Variants in CUL7 observed in about 807,000 individuals in gnomAD.
The protein encoded by CUL7 is cullin 7, also known as cullin-7.
CUL7 carries 96 observed loss-of-function variants against 177.7 expected under a neutral mutation model. That is an observed-to-expected ratio of 0.54 (90% CI 0.46 to 0.64). The LOEUF is 0.64. Among genes scored for constraint, CUL7 ranks in the 30% least tolerant of loss-of-function variants. CUL7 has a pLI of 0.00. For synonymous variants in CUL7, 824 were observed against 890.2 expected (o/e 0.93, Z 1.32); for missense variants, 1,893 against 2,187.9 (o/e 0.87, Z 2.69).
At chr6:43,041,526 C>T (rs1763409821) in intron 19 of CUL7, among the ~76,000 whole-genome samples, 1 of 152,048 alleles carries the variant, frequency 6.6e-6, no homozygotes, top group South Asian at 2.1e-4. Flanking sequence ...CCACCTGAGC[C>T]CAAGAGGTTG....
intron 19 of CUL7, among the ~76,000 whole-genome samples, chr6:43,042,022 AAG>A (rs1491546645): frequency 6.7e-6 from 1 of 149,870 alleles, no homozygotes; most frequent in African/African-American, 2.5e-5. Context: ...AAAAAAAAAA[AAG>A]GAAGAAGAAA....
Position 43,043,577 on chromosome 6 carries a change from GAC to G in CUL7, c.3224_3225del (p.Cys1075SerfsTer32). ...CTCTGGGGGTTGAAGACAGCTTCCT[GAC>G]ACTCCAGGTACTGGTCCAGCAGCCA... ...LGWLLDQYLE[C>X]QEAVFNPQSR... On this transcript the variant is annotated frameshift_variant, in exon 17 of 26. Transcript: ENST00000265348. LOFTEE classifies it high-confidence loss of function. This position sits in a 1 kb window ranked among gnomAD's most constrained non-coding sequence, Gnocchi z 4.2. 3 of 1,613,576 alleles carry G rather than the reference GAC, an allele frequency of 1.9e-6. No individual in the cohort carries two copies. The highest frequency in any genetic ancestry group is 2.5e-6 in the Non-Finnish European group (3 of 1,179,730).
Position 43,037,984 on chromosome 6 carries a change from A to G in CUL7, c.4801T>C (p.Cys1601Arg), listed in dbSNP as rs763022865. Reference sequence around the variant, plus strand: ...CTGCTGACCAAACCCCTGGGAGGACACGGGCCCTTCTGCCAAGCCTCCAGC... The same window carrying G: ...CTGCTGACCAAACCCCTGGGAGGACGCGGGCCCTTCTGCCAAGCCTCCAGC... ...LVLEAWQKGP[C>R]PPRGLVSSLG... is the part of the protein sequence containing the mutation. Residue 1601 changes from cysteine (C) to arginine (R), a missense_variant, in exon 26 of 26, where the codon TGT becomes CGT. Cys to Arg is a radical substitution (Grantham distance 180, BLOSUM62 -3). Coordinates refer to ENST00000265348, the MANE Select transcript of CUL7 (RefSeq NM_014780.5). 9.4e-6 allele frequency: 15 copies of G among 1,595,002 alleles called. No homozygotes were observed. Among genetic ancestry groups the G allele is most frequent in the Admixed American group, 8.5e-5 (5 of 58,654 alleles).
At position 43,050,510 on chromosome 6, in the gene CUL7, G is replaced by A; in HGVS notation, c.1234-112C>T. Reference sequence around the variant, plus strand: ...AGGGTGACCACCTGGCCAGGTTTTAGAAAAACCTCCACATAACAAAACAGC... The same window carrying A: ...AGGGTGACCACCTGGCCAGGTTTTAAAAAAACCTCCACATAACAAAACAGC... On this transcript the variant is annotated intron_variant, in intron 4 of 25. Transcript: ENST00000265348. This position sits in a 1 kb window ranked among gnomAD's most constrained non-coding sequence, Gnocchi z 4.1. 2.8e-6 allele frequency: 3 copies of A among 1,063,338 alleles called. No individual in the cohort carries two copies. Among genetic ancestry groups the A allele is most frequent in the Admixed American group, 2.0e-5 (1 of 50,880 alleles). 65.9% of individuals were successfully genotyped at this position (1,063,338 alleles called of 1,614,324 possible).
rs886236367 is a variant in CUL7 at position 43,051,950 on chromosome 6, T to C, written c.581-187A>G. The stretch of plus-strand genomic sequence containing the variant: ...ACACGCACATAAACACGATCTACAA[T>C]AGTCTAAACTCTAAATTCTTCCTTT... On this transcript the variant is annotated intron_variant, in intron 2 of 25. Transcript: ENST00000265348. The surrounding 1 kb of genome is among the most constrained non-coding windows in gnomAD (Gnocchi z 5.0). Among the ~76,000 whole-genome samples, 2 of 152,186 alleles carry C rather than the reference T, an allele frequency of 1.3e-5. No individual in the cohort carries two copies. The highest frequency in any genetic ancestry group is 2.9e-5 in the Non-Finnish European group (2 of 68,034).
chr6:43,045,471 C>T lies in CUL7; in HGVS notation c.2863-69G>A, dbSNP rs528317450. The T allele has an allele frequency of 2.0e-5, 33 of 1,613,826 alleles. No individual in the cohort carries two copies. Among genetic ancestry groups the T allele is most frequent in the East Asian group, 8.9e-5 (4 of 44,882 alleles). Reference sequence around the variant, plus strand: ...GATGGGCTGGGGTCAGCTACGCCCTCGAACCTCACCCCTGGAGCTGCTCGA... The same window carrying T: ...GATGGGCTGGGGTCAGCTACGCCCTTGAACCTCACCCCTGGAGCTGCTCGA... On this transcript the variant is annotated intron_variant, in intron 14 of 25. Transcript: ENST00000265348. This position sits in a 1 kb window ranked among gnomAD's most constrained non-coding sequence, Gnocchi z 4.8.
At chr6:43,041,615 A>C (rs1763417320) in intron 19 of CUL7, among the ~76,000 whole-genome samples, 1 of 150,892 alleles carries the variant, frequency 6.6e-6, no homozygotes, top group African/African-American at 2.5e-5. Context: ...GAAGTAAAGA[A>C]AGAGAAAGAA....
Position 43,046,326 on chromosome 6 carries a change from G to C in CUL7, c.2570C>G (p.Thr857Arg). The change falls in exon 12 of 26, where the codon ACG (threonine) becomes AGG (arginine). Residue 857 changes from threonine to arginine, a missense_variant. Physicochemically the swap from Thr to Arg is moderately conservative, Grantham distance 71. Coordinates refer to ENST00000265348, the MANE Select transcript of CUL7 (RefSeq NM_014780.5). Reference protein sequence around the residue: ...SSNPHRASKLTDHNPKTYWES... With the variant: ...SSNPHRASKLRDHNPKTYWES... The stretch of plus-strand genomic sequence containing the variant: ...CCAATAGGTCTTGGGGTTGTGGTCC[G>C]TCAGCTTGCTGGCCCGGTGCGGGTT... The C allele has an allele frequency of 6.2e-7, 1 of 1,614,214 alleles. No individual in the cohort carries two copies. The highest frequency in any genetic ancestry group is 8.5e-7 in the Non-Finnish European group (1 of 1,180,054).
At position 43,052,789 on chromosome 6, in the gene CUL7, C is replaced by T. The variant is rs751974382; in HGVS notation, c.-1G>A. 1.2e-6 allele frequency: 2 copies of T among 1,603,010 alleles called. No individual in the cohort carries two copies. ...CCCTGTAGCGGAGTTCTCCCACCAT[C>T]CTGGCACCTGGAGCACACAAGGAAA... On this transcript the variant is annotated 5_prime_UTR_variant, in exon 2 of 26. Coordinates refer to ENST00000265348, the MANE Select transcript of CUL7 (RefSeq NM_014780.5). The surrounding 1 kb of genome is among the most constrained non-coding windows in gnomAD (Gnocchi z 4.5).
chr6:43,048,445 G>A lies in CUL7; in HGVS notation c.1950C>T (p.Asn650=). Residue 650 remains asparagine, a synonymous_variant, in exon 8 of 26, where the codon AAC becomes AAT. Coordinates refer to ENST00000265348, the MANE Select transcript of CUL7 (RefSeq NM_014780.5). The stretch of plus-strand genomic sequence containing the variant: ...GCTGCAGCAGGAGTGGCTTGACCTT[G>A]TTCTCCTGGGTCCCCTCTGAGCTGA... ...QALSSEGTQE[N]KVKPLLLQLQ... 6.2e-7 allele frequency: 1 copy of A among 1,613,978 alleles called. No homozygotes were observed. The highest frequency in any genetic ancestry group is 2.2e-5 in the East Asian group (1 of 44,882).
chr6:43,044,443 G>A (rs1296455080), intron 16 of CUL7, among the ~76,000 whole-genome samples: 1 of 151,994 alleles, frequency 6.6e-6, no homozygotes, highest in Admixed American at 6.5e-5. Context: ...AGGTTGCAGT[G>A]AGCCAAGATC....
In CUL7 at chr6:43,045,422, A is replaced by G. The variant is rs745738956; in HGVS notation, c.2863-20T>C. On this transcript the variant is annotated intron_variant, in intron 14 of 25. Transcript: ENST00000265348. The surrounding 1 kb of genome is among the most constrained non-coding windows in gnomAD (Gnocchi z 4.8). The stretch of plus-strand genomic sequence containing the variant: ...GCCACCCTGAAACACACACAGGACT[A>G]TCTTCACTCGCTCCACACCTTGGGA... 3.7e-6 allele frequency: 6 copies of G among 1,614,050 alleles called. No homozygotes were observed. The South Asian group carries it at 5.5e-5, about 15-fold the overall frequency.
At position 43,043,667 on chromosome 6, in the gene CUL7, G is replaced by A; in HGVS notation, c.3173-37C>T. On this transcript the variant is annotated intron_variant, in intron 16 of 25. Transcript: ENST00000265348. This position sits in a 1 kb window ranked among gnomAD's most constrained non-coding sequence, Gnocchi z 4.2. ...GATAAACAAACCAAGGCACAGCCAT[G>A]TCTGCAGGGAAGTGGGAGTGGTTGG... The A allele has an allele frequency of 7.1e-7, 1 of 1,418,052 alleles. No individual in the cohort carries two copies. Among genetic ancestry groups the A allele is most frequent in the South Asian group, 1.2e-5 (1 of 82,892 alleles). The allele number at this position is 1,418,052 out of a possible 1,614,324, so 87.8% of individuals were successfully genotyped here. A position where few individuals can be genotyped will look rare whatever the true frequency, so the allele number is the denominator to read the frequency against.
In CUL7 at chr6:43,040,894, G is replaced by A. The variant is rs199895926; in HGVS notation, c.3806+21C>T. 1.4e-5 allele frequency: 23 copies of A among 1,611,998 alleles called. No homozygotes were observed. Among genetic ancestry groups the A allele is most frequent in the East Asian group, 1.3e-4 (6 of 44,838 alleles). ...ATCATCCTGCCTCCCGCCAGCTCCCGCTCCTTAGGTCCACACTCACTGGTA... is the reference window on the plus strand; with the variant it reads ...ATCATCCTGCCTCCCGCCAGCTCCCACTCCTTAGGTCCACACTCACTGGTA... On this transcript the variant is annotated intron_variant, in intron 20 of 25. Transcript: ENST00000265348. The surrounding 1 kb of genome is among the most constrained non-coding windows in gnomAD (Gnocchi z 4.2).
rs374453599 is a variant in CUL7 at position 43,038,553 on chromosome 6, C to T, written c.4567+13G>A. 23 of 1,613,944 alleles carry T rather than the reference C, an allele frequency of 1.4e-5. No individual in the cohort carries two copies. Among genetic ancestry groups the T allele is most frequent in the Non-Finnish European group, 1.9e-5 (22 of 1,180,006 alleles). ...GCCTCAGAGCAGAGGCCCCTCTGGC[C>T]CTAAGTGCATACCTCCTGGTATATC... is the stretch of plus-strand genomic sequence containing the variant. On this transcript the variant is annotated intron_variant, in intron 24 of 25. Transcript: ENST00000265348.
At position 43,051,728 on chromosome 6, in the gene CUL7, G is replaced by T; in HGVS notation, c.616C>A (p.Gln206Lys). The T allele has an allele frequency of 6.2e-7, 1 of 1,614,136 alleles. No individual in the cohort carries two copies. The highest frequency in any genetic ancestry group is 2.2e-5 in the East Asian group (1 of 44,884). The change falls in exon 3 of 26, where the codon CAA (glutamine) becomes AAA (lysine). Residue 206 changes from glutamine to lysine, a missense_variant. By Grantham distance (53) the Gln-to-Lys change is moderately conservative (BLOSUM62 1). Around this residue, in one of 5 missense-constraint regions of CUL7, gnomAD observed 653 missense variants for 725.2 expected, o/e 0.90. Coordinates refer to ENST00000265348, the MANE Select transcript of CUL7 (RefSeq NM_014780.5). This position sits in a 1 kb window ranked among gnomAD's most constrained non-coding sequence, Gnocchi z 5.0. ...TCCAGGTGTTTCTCAATGGCTTCTT[G>T]TTGGCTCAGTGACAGAAGGATCTGA... Reference protein sequence around the residue: ...RTQILLSLSQQEAIEKHLDFD... With the variant: ...RTQILLSLSQKEAIEKHLDFD...
At position 43,038,572 on chromosome 6, in the gene CUL7, G is replaced by T; in HGVS notation, c.4561C>A (p.Pro1521Thr). Residue 1521 changes from proline to threonine, a missense_variant, in exon 24 of 26, where the codon CCA becomes ACA. By Grantham distance (38) the Pro-to-Thr change is conservative. Transcript: ENST00000265348. The part of the protein sequence containing the change: ...PLDLHEQKDI[P>T]GGVLKIRDGS... The stretch of plus-strand genomic sequence containing the variant: ...TCTGGCCCTAAGTGCATACCTCCTG[G>T]TATATCCTTTTGCTCGTGAAGGTCC... 6.2e-7 allele frequency: 1 copy of T among 1,614,072 alleles called. No individual in the cohort carries two copies. The highest frequency in any genetic ancestry group is 2.2e-5 in the East Asian group (1 of 44,880).
chr6:43,043,006 A>T lies in CUL7; in HGVS notation c.3463-22T>A. The T allele has an allele frequency of 6.2e-7, 1 of 1,614,124 alleles. No individual in the cohort carries two copies. Among genetic ancestry groups the T allele is most frequent in the Non-Finnish European group, 8.5e-7 (1 of 1,180,006 alleles). ...TCACCTGGAAGGAAGGGGCAGGAGCATGAAGACACAACCCAACATGCCACC... is the reference window on the plus strand; with the variant it reads ...TCACCTGGAAGGAAGGGGCAGGAGCTTGAAGACACAACCCAACATGCCACC... On this transcript the variant is annotated intron_variant, in intron 18 of 25. Transcript: ENST00000265348. This position sits in a 1 kb window ranked among gnomAD's most constrained non-coding sequence, Gnocchi z 4.2.
rs1315665949 is a variant in CUL7 at position 43,049,495 on chromosome 6, G to A, written c.1737C>T (p.Tyr579=). 6.2e-7 allele frequency: 1 copy of A among 1,614,098 alleles called. No individual in the cohort carries two copies. The highest frequency in any genetic ancestry group is 8.5e-7 in the Non-Finnish European group (1 of 1,180,044). Residue 579 remains tyrosine, a synonymous_variant, in exon 7 of 26, where the codon TAC becomes TAT. Coordinates refer to ENST00000265348, the MANE Select transcript of CUL7 (RefSeq NM_014780.5). ...GPEALAGNQA[Y]PSLLEAQEDV... The stretch of plus-strand genomic sequence containing the variant: ...CTTCTTGGGCTTCTAGAAGGGATGG[G>A]TAGGCTTGGTTCCCTGCTAGGGCTT...
Sources: gnomAD v4.1 joint callset for allele counts (sites outside exome capture counted in the v4.1 genomes callset) on GRCh38, gnomAD v4.1.1 for gene constraint, gnomAD v4.1.1 regional missense constraint, Gnocchi (gnomAD v3.1) non-coding constraint, MANE v1.5 for transcripts, NCBI Gene and HGNC (gene_info 2026-07-23, HGNC 2026-07-21) for gene names.